MAP2K3: variants seen among roughly 807,000 people sequenced by gnomAD.
MAP2K3 encodes mitogen-activated protein kinase kinase 3, also known as dual specificity mitogen-activated protein kinase kinase 3.
A neutral mutation model predicts 46.4 loss-of-function variants in MAP2K3; 30 were observed. The ratio of observed to expected loss-of-function variants is 0.65; its 90% CI spans 0.48 to 0.88. The LOEUF is 0.88. MAP2K3 is among the 40% of genes least tolerant of loss of function. The pLI, the probability that MAP2K3 is intolerant of heterozygous loss-of-function variation, is 0.00. For missense variants in MAP2K3, 380 were observed against 464.5 expected (o/e 0.82, Z 1.67); for synonymous variants, 189 against 176.3 (o/e 1.07, Z -0.57).
chr17:21,297,735 C>CGGAG (rs1426014629), intron 1 of MAP2K3, among the ~76,000 whole-genome samples: 1 of 9,624 alleles, frequency 1.0e-4, no homozygotes, highest in Non-Finnish European at 2.3e-4. Context: ...TGGGGCCTCT[C>CGGAG]GCCTGTCCCT....
intron 2 of MAP2K3, 116 bp downstream of exon 2, chr17:21,298,595 GCAGCCCCTGCTGT>G: frequency 6.6e-7 from 1 of 1,507,056 alleles, no homozygotes. Context: ...CCTGTCCTGG[GCAGCCCCTGCTGT>G]GCATACAGCC....
chr17:21,311,153 C>G (rs1383935090), intron 9 of MAP2K3, among the ~76,000 whole-genome samples: 1 of 152,172 alleles, frequency 6.6e-6, no homozygotes, highest in Non-Finnish European at 1.5e-5. Context: ...CAGCACAGTC[C>G]TTAGGGTCTT....
chr17:21,299,715 GCTCACGCC>G (rs1976483491), intron 3 of MAP2K3, among the ~76,000 whole-genome samples: 2 of 113,550 alleles, frequency 1.8e-5, no homozygotes, highest in African/African-American at 6.5e-5. Context: ...GGGCACGGTG[GCTCACGCC>G]TGTAAGCCCA....
At chr17:21,312,116 C>T (rs1351403073) in intron 9 of MAP2K3, 26 bp from the exon 10 acceptor site, 1 of 1,500,986 alleles carries the variant, frequency 6.7e-7, no homozygotes, top group Non-Finnish European at 8.9e-7. Flanking sequence ...GGGGCCGGGG[C>T]CTCTGACCCC....
rs530094600 is a variant in MAP2K3 at position 21,289,242 on chromosome 17, G to A, written c.49+4273G>A. Among the ~76,000 whole-genome samples the A allele has an allele frequency of 3.5e-3, 526 of 152,304 alleles. 1 individual carries two copies. Among genetic ancestry groups the A allele is most frequent in the African/African-American group, 0.011 (469 of 41,570 alleles). On this transcript the variant is annotated intron_variant, in intron 1 of 11. Coordinates refer to ENST00000342679, the MANE Select transcript of MAP2K3 (RefSeq NM_145109.3). Reference sequence around the variant, plus strand: ...CTGGCCTCCTGGGCCTCCCTTGGGAGGGTGAGTGGGGAACAGAGAGCTGGG... The same window carrying A: ...CTGGCCTCCTGGGCCTCCCTTGGGAAGGTGAGTGGGGAACAGAGAGCTGGG...
intron 1 of MAP2K3, chr17:21,295,646 T>C (rs1406009871): frequency 2.2e-5 from 29 of 1,289,220 alleles, no homozygotes; most frequent in Non-Finnish European, 2.9e-5. Context: ...CCTGTGGCCC[T>C]CCTGATGCAG....
intron 3 of MAP2K3, among the ~76,000 whole-genome samples, chr17:21,299,772 C>T (rs1394244491): frequency 1.3e-5 from 2 of 152,278 alleles, no homozygotes; most frequent in Admixed American, 6.5e-5. Context: ...CACCTGAGGT[C>T]AGGAGTTCAA....
chr17:21,308,321 T>C (rs1439026289), intron 9 of MAP2K3, among the ~76,000 whole-genome samples: 1 of 152,280 alleles, frequency 6.6e-6, no homozygotes, highest in African/African-American at 2.4e-5. Flanking sequence ...CTAATTTTTG[T>C]ATTTTTAGTA....
chr17:21,305,213 C>T (rs1976835041), intron 9 of MAP2K3, 85 bp downstream of exon 9: 1 of 1,515,652 alleles, frequency 6.6e-7, no homozygotes, highest in African/African-American at 1.4e-5. Context: ...TTGGGGGACT[C>T]ATCAAATAGT....
intron 1 of MAP2K3, among the ~76,000 whole-genome samples, chr17:21,296,462 T>C (rs1976256535): frequency 6.6e-6 from 1 of 152,312 alleles, no homozygotes; most frequent in African/African-American, 2.4e-5. Flanking sequence ...TTGCCGTTTC[T>C]TGTTGAGCAC....
chr17:21,303,082 G>A (rs1279630774), intron 6 of MAP2K3, 101 bp from the exon 7 acceptor site: 21 of 1,491,336 alleles, frequency 1.4e-5, no homozygotes, highest in Non-Finnish European at 1.8e-5. Context: ...GCGGGAGCGG[G>A]AGACAGGTGG....
At position 21,306,365 on chromosome 17, in the gene MAP2K3, G is replaced by T. The variant is rs538292527; in HGVS notation, c.774+1237G>T. On this transcript the variant is annotated intron_variant, in intron 9 of 11. Transcript: ENST00000342679. ...AAAGGATATAACTCAGGGCCAACCA[G>T]ATGGAAGAGACTCACGGGGGAGGGG... Among the ~76,000 whole-genome samples the T allele has an allele frequency of 7.9e-5, 12 of 152,380 alleles. No homozygotes were observed. The East Asian group carries it at 1.5e-3, about 20-fold the overall frequency.
At chr17:21,301,633 T>C (rs1976606414) in intron 5 of MAP2K3, among the ~76,000 whole-genome samples, 1 of 152,308 alleles carries the variant, frequency 6.6e-6, no homozygotes, top group Non-Finnish European at 1.5e-5. Flanking sequence ...GCATCCTCTG[T>C]GCCAGCCCCT....
chr17:21,303,851 G>A (rs1279544513), intron 7 of MAP2K3, among the ~76,000 whole-genome samples: 1 of 152,312 alleles, frequency 6.6e-6, no homozygotes, highest in Non-Finnish European at 1.5e-5. Flanking sequence ...AGCCCCCCAG[G>A]TCACTGTGGT....
intron 5 of MAP2K3, 44 bp from the exon 6 acceptor site, chr17:21,302,099 C>A: frequency 1.9e-6 from 3 of 1,601,940 alleles, no homozygotes; most frequent in Non-Finnish European, 2.6e-6. Flanking sequence ...GGTGCAGACA[C>A]GGGCAGCCCG....
chr17:21,295,438 C>T (rs1251020494), intron 1 of MAP2K3, among the ~76,000 whole-genome samples: 1 of 152,306 alleles, frequency 6.6e-6, no homozygotes, highest in Non-Finnish European at 1.5e-5. Context: ...GCGGGCTTAT[C>T]GTGGGTTGCC....
At chr17:21,288,879 C>T (rs1311862233) in intron 1 of MAP2K3, among the ~76,000 whole-genome samples, 6 of 152,234 alleles carry the variant, frequency 3.9e-5, no homozygotes, top group Non-Finnish European at 7.3e-5. Context: ...AATCCTGGCT[C>T]CACTACTTCC....
rs4021724 is a variant in MAP2K3, at chr17:21,314,775, C to A, written c.*545C>A. The A allele has an allele frequency of 3.9e-5, 6 of 153,666 alleles. No individual in the cohort carries two copies. The highest frequency in any genetic ancestry group is 3.9e-4 in the Admixed American group (6 of 15,424). The allele number at this position is 153,666 out of a possible 1,614,324, so 9.5% of individuals were successfully genotyped here. On this transcript the variant is annotated 3_prime_UTR_variant, in exon 12 of 12. Transcript: ENST00000342679. ...GCCATGAGCCGCCCAAGGCCTTCCCCTGGCACTGGCAAACAGGGCCTCTGC... is the reference window on the plus strand; with the variant it reads ...GCCATGAGCCGCCCAAGGCCTTCCCATGGCACTGGCAAACAGGGCCTCTGC...
chr17:21,291,025 GA>G (rs1166437394), intron 1 of MAP2K3, among the ~76,000 whole-genome samples: 198 of 152,262 alleles, frequency 1.3e-3, no homozygotes, highest in African/African-American at 4.6e-3. Flanking sequence ...GGTGGATCAT[GA>G]GGTCAGGAGC....
Sources: gnomAD v4.1 joint callset for allele counts (sites outside exome capture counted in the v4.1 genomes callset) on GRCh38, gnomAD v4.1.1 for gene constraint, MANE v1.5 for transcripts, NCBI Gene and HGNC (gene_info 2026-07-23, HGNC 2026-07-21) for gene names.